The following CTNNA3 variants were observed in gnomAD, a reference collection of about 807,000 sequenced individuals.
CTNNA3 encodes the protein catenin alpha-3.
A neutral mutation model predicts 95.7 loss-of-function variants in CTNNA3; 76 were observed. The observed-to-expected ratio is 0.79, with a 90% CI of 0.66 to 0.96. The LOEUF is 0.96. CTNNA3 is among the 40% of genes least tolerant of loss of function. CTNNA3 has a pLI of 0.00. For missense variants in CTNNA3, 1,191 were observed against 1,089.8 expected, an observed-to-expected ratio of 1.09 and a Z score of -1.31; for synonymous variants, 431 against 374.4, an observed-to-expected ratio of 1.15 and a Z score of -1.74.
chr10:67,363,457 G>C (rs1419288398), intron 5 of CTNNA3, among the ~76,000 whole-genome samples: 1 of 151,630 alleles, frequency 6.6e-6, no homozygotes, highest in Non-Finnish European at 1.5e-5. Context: ...ACTAAGATCA[G>C]AGCAGAACTG....
intron 13 of CTNNA3, among the ~76,000 whole-genome samples, chr10:66,134,374 A>C (rs1468311867): frequency 6.6e-6 from 1 of 152,118 alleles, no homozygotes; most frequent in Non-Finnish European, 1.5e-5. Context: ...AATCTTTGGC[A>C]ATTTCTATAA....
chr10:67,178,480 G>A (rs982784139), intron 7 of CTNNA3, among the ~76,000 whole-genome samples: 4 of 151,966 alleles, frequency 2.6e-5, no homozygotes, highest in African/African-American at 4.8e-5. Context: ...CATAGGTCAC[G>A]AGAGACTGTG....
chr10:67,496,951 A>T (rs1589359112), intron 5 of CTNNA3, among the ~76,000 whole-genome samples: 1 of 152,064 alleles, frequency 6.6e-6, no homozygotes, highest in East Asian at 1.9e-4. Context: ...AAAAAATTAC[A>T]CTTTAAGTTC....
chr10:66,354,553 C>CAA (rs1167798681), intron 12 of CTNNA3, among the ~76,000 whole-genome samples: 1 of 152,010 alleles, frequency 6.6e-6, no homozygotes. Context: ...CTATTTGCAA[C>CAA]AAAATATTTA....
intron 5 of CTNNA3, among the ~76,000 whole-genome samples, chr10:67,373,510 C>T (rs188644688): frequency 6.6e-6 from 1 of 152,206 alleles, no homozygotes; most frequent in Non-Finnish European, 1.5e-5. Flanking sequence ...ACTTAGACTC[C>T]CACACAACAA....
intron 5 of CTNNA3, among the ~76,000 whole-genome samples, chr10:67,359,277 C>T (rs1842919409): frequency 6.6e-6 from 1 of 151,314 alleles, no homozygotes; most frequent in Admixed American, 6.6e-5. Flanking sequence ...GAAACACTAG[C>T]CCTCTCAGGT....
At chr10:66,232,950 G>A (rs1473319079) in intron 13 of CTNNA3, among the ~76,000 whole-genome samples, 1 of 151,992 alleles carries the variant, frequency 6.6e-6, no homozygotes, top group Non-Finnish European at 1.5e-5. Flanking sequence ...GAGGTCAGGA[G>A]ATCGAGACCA....
At chr10:66,087,555 T>A (rs1384641446) in intron 14 of CTNNA3, among the ~76,000 whole-genome samples, 1 of 152,160 alleles carries the variant, frequency 6.6e-6, no homozygotes, top group Non-Finnish European at 1.5e-5. Context: ...CACTGACATT[T>A]TAGCTAAGGA....
chr10:66,195,506 A>G (rs1430905009), intron 13 of CTNNA3, among the ~76,000 whole-genome samples: 2 of 152,146 alleles, frequency 1.3e-5, no homozygotes, highest in Non-Finnish European at 2.9e-5. Context: ...AGATACATAC[A>G]TAATAGCCCT....
intron 13 of CTNNA3, among the ~76,000 whole-genome samples, chr10:66,276,653 G>T (rs770053434): frequency 2.6e-5 from 4 of 152,004 alleles, no homozygotes; most frequent in African/African-American, 7.2e-5. Context: ...CCTTATAAAA[G>T]AAGAGATTTC....
chr10:66,146,324 AAAG>A (rs1379337364), intron 13 of CTNNA3, among the ~76,000 whole-genome samples: 1 of 152,158 alleles, frequency 6.6e-6, no homozygotes, highest in Non-Finnish European at 1.5e-5. Flanking sequence ...AATATAATAA[AAAG>A]AACTAGACCT....
intron 12 of CTNNA3, among the ~76,000 whole-genome samples, chr10:66,356,092 G>A (rs1429746182): frequency 6.7e-6 from 1 of 148,660 alleles, no homozygotes; most frequent in Non-Finnish European, 1.5e-5. Context: ...ATCAGGTACA[G>A]TGGATGCTCC....
At chr10:67,385,956 T>C (rs1482715925) in intron 5 of CTNNA3, among the ~76,000 whole-genome samples, 1 of 152,012 alleles carries the variant, frequency 6.6e-6, no homozygotes, top group African/African-American at 2.4e-5. Flanking sequence ...CCTGGTCACA[T>C]ACAGTGCAGT....
chr10:66,389,544 A>T (rs947409979), intron 11 of CTNNA3, among the ~76,000 whole-genome samples: 1 of 152,176 alleles, frequency 6.6e-6, no homozygotes, highest in South Asian at 2.1e-4. Flanking sequence ...GTTGGAAAAT[A>T]GTAATACATG....
rs143231420 is a variant in CTNNA3, at chr10:66,479,683, C to T, written c.1531+40934G>A. On this transcript the variant is annotated intron_variant, in intron 11 of 17. Transcript: ENST00000433211. ...ATTCAACACATATGTTGATCTCATACTATATTGTAAGTGTTGTGGTAAGAC... is the reference window on the plus strand; with the variant it reads ...ATTCAACACATATGTTGATCTCATATTATATTGTAAGTGTTGTGGTAAGAC... Among the ~76,000 whole-genome samples, 715 of 151,976 alleles carry T rather than the reference C, an allele frequency of 4.7e-3. 9 individuals are homozygous for T. Among genetic ancestry groups the T allele is most frequent in the African/African-American group, 0.016 (679 of 41,448 alleles).
At chr10:66,845,585 C>G (rs1360445645) in intron 7 of CTNNA3, among the ~76,000 whole-genome samples, 2 of 151,294 alleles carry the variant, frequency 1.3e-5, no homozygotes, top group Admixed American at 1.3e-4. Flanking sequence ...CGCCTGTAAT[C>G]CCAGCTACTC....
chr10:67,281,313 CTGATCTA>C (rs1839392089), intron 5 of CTNNA3, among the ~76,000 whole-genome samples: 1 of 152,160 alleles, frequency 6.6e-6, no homozygotes. Context: ...TATTTATTGC[CTGATCTA>C]TGTAATCCAC....
intron 9 of CTNNA3, among the ~76,000 whole-genome samples, chr10:66,715,635 A>G (rs563456408): frequency 1.4e-4 from 21 of 152,320 alleles, no homozygotes; most frequent in African/African-American, 5.0e-4. Context: ...CAAAATATCA[A>G]AGATATTCAG....
chr10:66,488,986 TC>T (rs1205080700), intron 11 of CTNNA3, among the ~76,000 whole-genome samples: 1 of 152,126 alleles, frequency 6.6e-6, no homozygotes, highest in Non-Finnish European at 1.5e-5. Context: ...TAAGTGAAGT[TC>T]CTATTGAAAG....
Sources: gnomAD v4.1 joint callset for allele counts (sites outside exome capture counted in the v4.1 genomes callset) on GRCh38, gnomAD v4.1.1 for gene constraint, MANE v1.5 for transcripts, NCBI Gene and HGNC (gene_info 2026-07-23, HGNC 2026-07-21) for gene names.